Variants in XPO6 observed in about 807,000 individuals in gnomAD.
XPO6 encodes exportin 6, also known as exportin-6.
A neutral mutation model predicts 130.0 loss-of-function variants in XPO6; 3 were observed. The observed-to-expected ratio is 0.02, with a 90% CI of 0.01 to 0.06. The LOEUF is 0.06. Among genes scored for constraint, XPO6 ranks in the 10% least tolerant of loss-of-function variants. The pLI, the probability that XPO6 is intolerant of heterozygous loss-of-function variation, is 1.00. For synonymous variants in XPO6, 524 were observed against 548.9 expected, an observed-to-expected ratio of 0.95 and a Z score of 0.63; for missense variants, 970 against 1,393.0, an observed-to-expected ratio of 0.70 and a Z score of 4.83.
At chr16:28,126,000 G>A (rs2087394668) in intron 12 of XPO6, 152 bp from the exon 13 acceptor site, 1 of 896,556 alleles carries the variant, frequency 1.1e-6, no homozygotes, top group Middle Eastern at 2.6e-4. Context: ...CCAGTACTGA[G>A]CAGGGAAACT....
chr16:28,178,527 G>C (rs2043566414), intron 2 of XPO6, among the ~76,000 whole-genome samples: 1 of 151,906 alleles, frequency 6.6e-6, no homozygotes, highest in Non-Finnish European at 1.5e-5. Flanking sequence ...CTGGCCTCAA[G>C]TGATCCTCCT....
chr16:28,118,557 A>G (rs1338616400), intron 14 of XPO6, among the ~76,000 whole-genome samples: 3 of 152,110 alleles, frequency 2.0e-5, no homozygotes, highest in Non-Finnish European at 2.9e-5. Context: ...AATGGGGTCT[A>G]TGTTGGCCAG....
intron 6 of XPO6, among the ~76,000 whole-genome samples, chr16:28,160,503 C>CA (rs1158204334): frequency 9.4e-5 from 11 of 116,668 alleles, no homozygotes; most frequent in African/African-American, 3.3e-4. Context: ...GACTCCATCA[C>CA]CAAAAAAAAA....
intron 1 of XPO6, among the ~76,000 whole-genome samples, chr16:28,184,106 A>G (rs1404241628): frequency 1.3e-5 from 2 of 152,236 alleles, no homozygotes; most frequent in East Asian, 1.9e-4. Flanking sequence ...TAATACTCCA[A>G]GCAGATTACA....
At chr16:28,198,909 C>T (rs1423768009) in intron 1 of XPO6, among the ~76,000 whole-genome samples, 3 of 152,136 alleles carry the variant, frequency 2.0e-5, no homozygotes, top group Middle Eastern at 3.4e-3. Context: ...TTTGGGAGGC[C>T]GAGGTGGGTG....
chr16:28,148,137 G>A (rs1168321647), intron 8 of XPO6, among the ~76,000 whole-genome samples: 2 of 152,212 alleles, frequency 1.3e-5, no homozygotes, highest in Admixed American at 1.3e-4. Context: ...GCATATGGAA[G>A]TGCCTTTGGG....
intron 9 of XPO6, among the ~76,000 whole-genome samples, chr16:28,143,637 G>A (rs989994456): frequency 1.3e-5 from 2 of 152,172 alleles, no homozygotes; most frequent in Admixed American, 6.5e-5. Flanking sequence ...TCTCTCATTT[G>A]TACTTTGTTT....
At chr16:28,099,461 G>A (rs966766099) in intron 23 of XPO6, among the ~76,000 whole-genome samples, 2 of 152,194 alleles carry the variant, frequency 1.3e-5, no homozygotes, top group Non-Finnish European at 2.9e-5. Context: ...CCTATTTCCT[G>A]GCCCCAGCAG....
chr16:28,174,953 T>G (rs2043510750), intron 4 of XPO6, among the ~76,000 whole-genome samples: 1 of 151,926 alleles, frequency 6.6e-6, no homozygotes, highest in Admixed American at 6.6e-5. Context: ...CCCTTCTGAC[T>G]TCCAAATCCT....
chr16:28,153,448 C>T, intron 7 of XPO6: 2 of 984,912 alleles, frequency 2.0e-6, no homozygotes, highest in Non-Finnish European at 2.4e-6. Flanking sequence ...AGTCACTCAG[C>T]CAACTCATGG....
chr16:28,188,554 A>G (rs2043732242), intron 1 of XPO6, among the ~76,000 whole-genome samples: 1 of 152,164 alleles, frequency 6.6e-6, no homozygotes, highest in South Asian at 2.1e-4. Context: ...GTTACAACAC[A>G]TGCGATTAGC....
At position 28,132,457 on chromosome 16, in the gene XPO6, T is replaced by C. The variant is rs939051509; in HGVS notation, c.1537-54A>G. On this transcript the variant is annotated intron_variant, in intron 11 of 23. Coordinates refer to ENST00000304658, the MANE Select transcript of XPO6 (RefSeq NM_015171.4). The surrounding 1 kb of genome is among the most constrained non-coding windows in gnomAD (Gnocchi z 4.0). ...AATTTTAAGCCATAAATGCAAGTTTTAATAGCATTTTAACATTACAACATT... is the reference window on the plus strand; with the variant it reads ...AATTTTAAGCCATAAATGCAAGTTTCAATAGCATTTTAACATTACAACATT... The C allele has an allele frequency of 1.3e-5, 16 of 1,228,540 alleles. No individual in the cohort carries two copies. The African/African-American group carries it at 2.0e-4, about 15-fold the overall frequency. The allele number at this position is 1,228,540 out of a possible 1,614,324, so 76.1% of individuals were successfully genotyped here. A position where few individuals can be genotyped will look rare whatever the true frequency, so the allele number is the denominator to read the frequency against.
At chr16:28,129,346 T>A (rs1175674888) in intron 12 of XPO6, among the ~76,000 whole-genome samples, 3 of 152,218 alleles carry the variant, frequency 2.0e-5, no homozygotes, top group Non-Finnish European at 4.4e-5. Context: ...GATAGGCCAG[T>A]GTCCCACTGT....
intron 1 of XPO6, among the ~76,000 whole-genome samples, chr16:28,206,507 T>C (rs1311948442): frequency 1.3e-5 from 2 of 152,082 alleles, no homozygotes; most frequent in East Asian, 1.9e-4. Flanking sequence ...GTGACTGTGC[T>C]GCTGCGCCCC....
rs1343193804 is a variant in XPO6 at position 28,111,991 on chromosome 16, A to C, written c.2167T>G (p.Cys723Gly). The change falls in exon 17 of 24, where the codon TGC becomes GGC. Residue 723 changes from cysteine (C) to glycine (G), a missense_variant. By Grantham distance (159) the Cys-to-Gly change is radical (BLOSUM62 -3). Transcript: ENST00000304658. ...AGCAAGATGTTAGAGAGGGCTCGGC[A>C]CACCAACACCTGGGCCTACAAGAGA... Reference protein sequence around the residue: ...RLVDKAQVLVCRALSNILLLP... With the variant: ...RLVDKAQVLVGRALSNILLLP... 6.2e-7 allele frequency: 1 copy of C among 1,612,386 alleles called. No homozygotes were observed. Among genetic ancestry groups the C allele is most frequent in the South Asian group, 1.1e-5 (1 of 90,820 alleles).
chr16:28,147,020 A>T (rs2042996243), intron 8 of XPO6, among the ~76,000 whole-genome samples: 1 of 152,146 alleles, frequency 6.6e-6, no homozygotes. Context: ...CTCCACTCAA[A>T]TGCTCACTAC....
At chr16:28,186,374 CTT>C (rs60754642) in intron 1 of XPO6, among the ~76,000 whole-genome samples, 48 of 81,426 alleles carry the variant, frequency 5.9e-4, no homozygotes, top group East Asian at 1.6e-3. Flanking sequence ...CCCAGTTATT[CTT>C]TTTTTTTTTT....
rs1596811059 is a variant in XPO6 at position 28,119,043 on chromosome 16, T to A, written c.1860-1581A>T. ...ACTTATTTATGTTGCTGAAACAGGG[T>A]CTCGCTCTGTTGCCCAGGCAGGAGT... On this transcript the variant is annotated intron_variant, in intron 14 of 23. Transcript: ENST00000304658. 1.3e-5 allele frequency among the ~76,000 whole-genome samples: 2 copies of A among 152,186 alleles called. 1 individual carries two copies. The highest frequency in any genetic ancestry group is 4.8e-5 in the African/African-American group (2 of 41,438).
At chr16:28,174,372 T>G (rs1444163482) in intron 4 of XPO6, among the ~76,000 whole-genome samples, 1 of 152,150 alleles carries the variant, frequency 6.6e-6, no homozygotes, top group African/African-American at 2.4e-5. Context: ...TCTTTCCCCT[T>G]CCCTGGATTG....
Sources: allele counts gnomAD v4.1 joint callset (sites outside exome capture counted in the v4.1 genomes callset), GRCh38; gene constraint gnomAD v4.1.1; non-coding constraint Gnocchi (gnomAD v3.1); transcripts MANE v1.5; gene names NCBI Gene and HGNC (gene_info 2026-07-23, HGNC 2026-07-21).